DGKQ: variants seen among roughly 807,000 people sequenced by gnomAD.
The protein encoded by DGKQ is diacylglycerol kinase theta, also known as DAG kinase theta.
In DGKQ, 97 loss-of-function variants were observed where a neutral mutation model predicts 104.2. The observed-to-expected ratio is 0.93, with a 90% CI of 0.79 to 1.10. The LOEUF is 1.10. Ranked by LOEUF, DGKQ falls within the 50% of genes least tolerant of loss-of-function variation. The probability of loss-of-function intolerance (pLI) is 0.00; values close to 1 mark genes in which losing one functional copy is unlikely to be tolerated. For synonymous variants in DGKQ, 736 were observed against 595.2 expected, an observed-to-expected ratio of 1.24 and a Z score of -3.44; for missense variants, 1,465 against 1,352.1, an observed-to-expected ratio of 1.08 and a Z score of -1.31.
At position 968,580 on chromosome 4, in the gene DGKQ, G is replaced by C. The variant is rs751309340; in HGVS notation, c.452-16C>G. The stretch of plus-strand genomic sequence containing the variant: ...AGCTCACACACTGGGGGGCAGGCAG[G>C]GTTAGAGGTGTCTGCCGCCCCCGGA... On this transcript the variant is annotated splice_polypyrimidine_tract_variant and intron_variant, in intron 3 of 22. Coordinates refer to ENST00000273814, the MANE Select transcript of DGKQ (RefSeq NM_001347.4). 6 of 1,590,296 alleles carry C rather than the reference G, an allele frequency of 3.8e-6. No homozygotes were observed. Among genetic ancestry groups the C allele is most frequent in the African/African-American group, 1.3e-5 (1 of 74,370 alleles).
intron 5 of DGKQ, 103 bp from the exon 6 acceptor site, chr4:968,130 ACCCC>A: frequency 2.6e-6 from 2 of 775,608 alleles, no homozygotes; most frequent in Non-Finnish European, 3.4e-6. Context: ...ACCCACCTGG[ACCCC>A]GTGTCCTTCC....
intron 1 of DGKQ, among the ~76,000 whole-genome samples, 184 bp downstream of exon 1, chr4:973,028 C>G (rs1221183899): frequency 6.6e-6 from 1 of 152,170 alleles, no homozygotes; most frequent in Non-Finnish European, 1.5e-5. Flanking sequence ...GTGAGGAAGC[C>G]CGCAGCCTGG....
At position 968,828 on chromosome 4, in the gene DGKQ, G is replaced by A. The variant is rs555977754; in HGVS notation, c.434C>T (p.Pro145Leu). The change falls in exon 3 of 23, where the codon CCG (proline) becomes CTG (leucine). Residue 145 changes from proline (P) to leucine (L), a missense_variant. By Grantham distance (98) the Pro-to-Leu change is moderately conservative. Transcript: ENST00000273814. ...CAVCRKVLEA[P>L]ALHCEVCELH... ...CCAGGTACCTTCGCAGTGGAGCGCC[G>A]GTGCCTCCAGGACCTTGCGGCAGAC... is the stretch of plus-strand genomic sequence containing the variant. 2.6e-5 allele frequency: 42 copies of A among 1,610,744 alleles called. No homozygotes were observed. In the East Asian group the frequency reaches 2.7e-4, roughly 10 times the overall value.
In DGKQ at chr4:961,981, C is replaced by T; in HGVS notation, c.2315+1G>A. 6.2e-7 allele frequency: 1 copy of T among 1,613,130 alleles called. No individual in the cohort carries two copies. The highest frequency in any genetic ancestry group is 1.3e-5 in the African/African-American group (1 of 75,048). The stretch of plus-strand genomic sequence containing the variant: ...GGTGGTAGCCCCTGCGGCTCCGGTA[C>T]CTGCTTGTGAACTTGCCAGGCTCCT... On this transcript the variant is annotated splice_donor_variant, in intron 19 of 22. Coordinates refer to ENST00000273814, the MANE Select transcript of DGKQ (RefSeq NM_001347.4). LOFTEE classifies it high-confidence loss of function.
In DGKQ at chr4:973,205, C is replaced by A. The variant is rs1380798980; in HGVS notation, c.271+7G>T. 6.5e-7 allele frequency: 1 copy of A among 1,545,314 alleles called. No homozygotes were observed. ...CAGCCGGGTAGGCATCGGGCCCGGG[C>A]GCTCACCGTCGCACAGGAAGCCGGC... On this transcript the variant is annotated splice_region_variant and intron_variant, in intron 1 of 22. Coordinates refer to ENST00000273814, the MANE Select transcript of DGKQ (RefSeq NM_001347.4).
rs1011495986 is a variant in DGKQ at position 971,337 on chromosome 4, G to A, written c.272-265C>T. ...ATCCAGAGAGCAGTCCCTCCCCTTC[G>A]CACGTAGGCCCAGCACTCCTCCTGC... is the stretch of plus-strand genomic sequence containing the variant. On this transcript the variant is annotated intron_variant, in intron 1 of 22. Coordinates refer to ENST00000273814, the MANE Select transcript of DGKQ (RefSeq NM_001347.4). This position sits in a 1 kb window ranked among gnomAD's most constrained non-coding sequence, Gnocchi z 4.0. Among the ~76,000 whole-genome samples, 3 of 152,108 alleles carry A rather than the reference G, an allele frequency of 2.0e-5. No homozygotes were observed. The highest frequency in any genetic ancestry group is 4.4e-5 in the Non-Finnish European group (3 of 67,974).
chr4:973,500 C>G lies in DGKQ; in HGVS notation c.-18G>C, dbSNP rs1713111046. 1.0e-6 allele frequency: 1 copy of G among 988,518 alleles called. No individual in the cohort carries two copies. The highest frequency in any genetic ancestry group is 1.2e-6 in the Non-Finnish European group (1 of 832,880). 61.2% of individuals were successfully genotyped at this position (988,518 alleles called of 1,614,324 possible). On this transcript the variant is annotated 5_prime_UTR_variant, in exon 1 of 23. Coordinates refer to ENST00000273814, the MANE Select transcript of DGKQ (RefSeq NM_001347.4). ...GCCGCCATTCCCGGCCCGAGCGGCC[C>G]GAGCCCCTTTAGGTCCGCGCCGGGG...
At chr4:962,652 A>G (rs767260793) in intron 17 of DGKQ, 39 bp from the exon 18 acceptor site, 1 of 1,594,524 alleles carries the variant, frequency 6.3e-7, no homozygotes, top group Non-Finnish European at 8.5e-7. Flanking sequence ...GTCCACACCC[A>G]CCCGCCCATC....
rs1711888937 is a variant in DGKQ, at chr4:961,567, C to T, written c.2474G>A (p.Gly825Glu). ...GCTGTCGGAGCCCCACAGGTCGGCCCCCGAGCCCCAGCTGCCGCATAAGAG... is the reference window on the plus strand; with the variant it reads ...GCTGTCGGAGCCCCACAGGTCGGCCTCCGAGCCCCAGCTGCCGCATAAGAG... Reference protein sequence around the residue: ...IFINIPSWGSGADLWGSDSDT... With the variant: ...IFINIPSWGSEADLWGSDSDT... The change falls in exon 21 of 23, where the codon GGG becomes GAG. Residue 825 changes from glycine to glutamate, a missense_variant. By Grantham distance (98) the Gly-to-Glu change is moderately conservative (BLOSUM62 -2). Transcript: ENST00000273814. The T allele has an allele frequency of 1.2e-6, 2 of 1,608,990 alleles. No individual in the cohort carries two copies. Among genetic ancestry groups the T allele is most frequent in the African/African-American group, 1.3e-5 (1 of 74,832 alleles).
intron 3 of DGKQ, 66 bp downstream of exon 3, chr4:968,745 G>T: frequency 6.8e-7 from 1 of 1,473,060 alleles, no homozygotes; most frequent in Non-Finnish European, 9.3e-7. Flanking sequence ...CAGCAGGGGT[G>T]GGCTGGGCCA....
rs368707241 is a variant in DGKQ at position 962,400 on chromosome 4, G to A, written c.2214+35C>T. 7.1e-5 allele frequency: 108 copies of A among 1,525,008 alleles called. No individual in the cohort carries two copies. In the African/African-American group the frequency reaches 1.2e-3, roughly 17 times the overall value. The allele number at this position is 1,525,008 out of a possible 1,614,324, so 94.5% of individuals were successfully genotyped here. A position where few individuals can be genotyped will look rare whatever the true frequency, so the allele number is the denominator to read the frequency against. On this transcript the variant is annotated intron_variant, in intron 18 of 22. Coordinates refer to ENST00000273814, the MANE Select transcript of DGKQ (RefSeq NM_001347.4). Reference sequence around the variant, plus strand: ...GCGTGTAGCGGGGTCATATGCAGGAGCCTGGAAGGCACCCCACGCCGGGCT... The same window carrying A: ...GCGTGTAGCGGGGTCATATGCAGGAACCTGGAAGGCACCCCACGCCGGGCT...
At chr4:966,605 C>G in intron 11 of DGKQ, 78 bp from the exon 12 acceptor site, 1 of 1,530,406 alleles carries the variant, frequency 6.5e-7, no homozygotes, top group Non-Finnish European at 8.9e-7. Context: ...GCCCCCAGGG[C>G]CCGTGGGGAT....
chr4:972,229 C>A (rs780888397), intron 1 of DGKQ, among the ~76,000 whole-genome samples: 17 of 152,136 alleles, frequency 1.1e-4, no homozygotes, highest in Non-Finnish European at 2.2e-4. Context: ...CTGCCTCAGC[C>A]ACACATGCAC....
In DGKQ at chr4:959,391, G is replaced by C. The variant is rs573934765; in HGVS notation, c.*1229C>G. On this transcript the variant is annotated 3_prime_UTR_variant, in exon 23 of 23. Coordinates refer to ENST00000273814, the MANE Select transcript of DGKQ (RefSeq NM_001347.4). ...CCGCACCGTGGGACCGTTTCTCGTG[G>C]GGGAGTCGGGGCTTCCCCACAGAGC... 17 of 111,976 alleles carry C rather than the reference G, an allele frequency of 1.5e-4. No homozygotes were observed. Among genetic ancestry groups the C allele is most frequent in the African/African-American group, 4.6e-4 (14 of 30,500 alleles). The allele number at this position is 111,976 out of a possible 1,614,324, so 6.9% of individuals were successfully genotyped here. A position where few individuals can be genotyped will look rare whatever the true frequency, so the allele number is the denominator to read the frequency against.
At chr4:969,019 C>T in intron 2 of DGKQ, 109 bp from the exon 3 acceptor site, 1 of 707,250 alleles carries the variant, frequency 1.4e-6, no homozygotes, top group Non-Finnish European at 2.3e-6. Flanking sequence ...CTGCTGAGAA[C>T]TGCCCAGGCT....
At position 966,513 on chromosome 4, in the gene DGKQ, G is replaced by T; in HGVS notation, c.1381C>A (p.Leu461Met). The change falls in exon 12 of 23, where the codon CTG becomes ATG. Residue 461 changes from leucine to methionine, a missense_variant. By Grantham distance (15) the Leu-to-Met change is conservative. Coordinates refer to ENST00000273814, the MANE Select transcript of DGKQ (RefSeq NM_001347.4). ...TCCAGCAGGGGCTGTTCGTCCATCA[G>T]CATCGTCCGCTGGACTGCAGAGGTG... The part of the protein sequence containing the change: ...MGCRHVQRTM[L>M]MDEQPLLDRL... 1 of 1,612,390 alleles carries T rather than the reference G, an allele frequency of 6.2e-7. No individual in the cohort carries two copies. Among genetic ancestry groups the T allele is most frequent in the Non-Finnish European group, 8.5e-7 (1 of 1,179,642 alleles).
Position 962,185 on chromosome 4 carries a change from C to T in DGKQ, c.2215-103G>A, listed in dbSNP as rs560285878. On this transcript the variant is annotated intron_variant, in intron 18 of 22. Transcript: ENST00000273814. ...AGGCAGAGACAAGAGCAAGGACCAC[C>T]CTGGCACCAAGCCGAGCACCCAGGA... The T allele has an allele frequency of 1.2e-5, 13 of 1,109,012 alleles. No individual in the cohort carries two copies. In the African/African-American group the frequency reaches 1.7e-4, roughly 14 times the overall value. The allele number at this position is 1,109,012 out of a possible 1,614,324, so 68.7% of individuals were successfully genotyped here.
intron 15 of DGKQ, 44 bp from the exon 16 acceptor site, chr4:963,334 G>T: frequency 1.9e-6 from 3 of 1,559,306 alleles, no homozygotes; most frequent in South Asian, 2.3e-5. Flanking sequence ...CCAAGGTGGG[G>T]TGTCCCCACT....
At chr4:961,864 A>G (rs1711913807) in intron 19 of DGKQ, 30 bp from the exon 20 acceptor site, 1 of 1,592,240 alleles carries the variant, frequency 6.3e-7, no homozygotes, top group Non-Finnish European at 8.6e-7. Context: ...ACCCATCACC[A>G]GGGGAAGCCC....
Sources: allele counts gnomAD v4.1 joint callset (sites outside exome capture counted in the v4.1 genomes callset), GRCh38; gene constraint gnomAD v4.1.1; non-coding constraint Gnocchi (gnomAD v3.1); transcripts MANE v1.5; gene names NCBI Gene and HGNC (gene_info 2026-07-23, HGNC 2026-07-21).